TRAF3IP3: variants seen among roughly 807,000 people sequenced by gnomAD.
The protein encoded by TRAF3IP3 is TRAF3-interacting JNK-activating modulator.
A neutral mutation model predicts 86.5 loss-of-function variants in TRAF3IP3; 64 were observed. That is an observed-to-expected ratio of 0.74 (90% CI 0.60 to 0.91). TRAF3IP3 has a LOEUF of 0.91. Ranked by LOEUF, TRAF3IP3 falls within the 40% of genes least tolerant of loss-of-function variation. The probability of loss-of-function intolerance (pLI) is 0.00; values close to 1 mark genes in which losing one functional copy is unlikely to be tolerated. For missense variants in TRAF3IP3, 579 were observed against 642.9 expected (o/e 0.90, Z 1.07); for synonymous variants, 220 against 243.9 (o/e 0.90, Z 0.91).
chr1:209,782,063 G>C lies in TRAF3IP3; in HGVS notation c.1571G>C (p.Cys524Ser). ...QSQQLPPRRQCGRWLPVLMVV... is the reference protein window; with the variant it reads ...QSQQLPPRRQSGRWLPVLMVV... Reference sequence around the variant, plus strand: ...CTCCCTGTCCCCCTACAGAGGCAATGTGGGCGATGGCTCCCAGTGCTGATG... The same window carrying C: ...CTCCCTGTCCCCCTACAGAGGCAATCTGGGCGATGGCTCCCAGTGCTGATG... Residue 524 changes from cysteine (C) to serine (S), a missense_variant, in exon 17 of 17, where the codon TGT (cysteine) becomes TCT (serine). Physicochemically the swap from Cys to Ser is moderately radical, Grantham distance 112. Transcript: ENST00000367025. The C allele has an allele frequency of 6.2e-7, 1 of 1,614,086 alleles. No individual in the cohort carries two copies. Among genetic ancestry groups the C allele is most frequent in the Non-Finnish European group, 8.5e-7 (1 of 1,179,940 alleles).
At chr1:209,757,995 G>A (rs567188043) in intron 1 of TRAF3IP3, among the ~76,000 whole-genome samples, 1 of 152,324 alleles carries the variant, frequency 6.6e-6, no homozygotes, top group South Asian at 2.1e-4. Flanking sequence ...TCCACGCAGT[G>A]TGACTCCAAG....
At chr1:209,767,864 C>T (rs1431758475) in intron 8 of TRAF3IP3, among the ~76,000 whole-genome samples, 1 of 152,084 alleles carries the variant, frequency 6.6e-6, no homozygotes, top group African/African-American at 2.4e-5. Flanking sequence ...CTGGGTTTGT[C>T]TCCAAGGAGG....
In TRAF3IP3 at chr1:209,772,969, C is replaced by A. The variant is rs781006753; in HGVS notation, c.724C>A (p.Leu242Met). The change falls in exon 9 of 17, where the codon CTG becomes ATG. Residue 242 changes from leucine to methionine, a missense_variant. Transcript: ENST00000367025. Reference protein sequence around the residue: ...SWKGQLNEDKLKGKLRSLENQ... With the variant: ...SWKGQLNEDKMKGKLRSLENQ... ...CCAGGGACAGCTTAATGAAGACAAA[C>A]TGAAGGGGAAACTGAGATCCTTAGA... is the stretch of plus-strand genomic sequence containing the variant. 6.2e-7 allele frequency: 1 copy of A among 1,613,890 alleles called. No homozygotes were observed. Among genetic ancestry groups the A allele is most frequent in the Non-Finnish European group, 8.5e-7 (1 of 1,179,894 alleles).
intron 8 of TRAF3IP3, among the ~76,000 whole-genome samples, chr1:209,772,673 G>C (rs1406811781): frequency 2.0e-5 from 3 of 150,774 alleles, no homozygotes; most frequent in South Asian, 2.1e-4. Context: ...TCCTTCCGGG[G>C]CCCCCCTGCT....
intron 1 of TRAF3IP3, among the ~76,000 whole-genome samples, chr1:209,757,986 C>T (rs2077182679): frequency 6.6e-6 from 1 of 152,114 alleles, no homozygotes; most frequent in Non-Finnish European, 1.5e-5. Flanking sequence ...GGACATGAGT[C>T]CACGCAGTGT....
chr1:209,770,468 GGTGT>G (rs34097069), intron 8 of TRAF3IP3, among the ~76,000 whole-genome samples: 1 of 142,852 alleles, frequency 7.0e-6, no homozygotes, highest in Non-Finnish European at 1.5e-5. Context: ...TGCATGTGGA[GGTGT>G]GTGTGTGCAT....
rs76991497 is a variant in TRAF3IP3 at position 209,760,034 on chromosome 1, G to T, written c.-6G>T. 8,081 of 1,602,018 alleles carry T rather than the reference G, an allele frequency of 5.0e-3. 32 individuals are homozygous for T. The highest frequency in any genetic ancestry group is 5.9e-3 in the Middle Eastern group (35 of 5,926). ...AGCCAAGCGCAACAGGTGCTTGGAG[G>T]TCATCATGATCAGCCCAGACCCCAG... is the stretch of plus-strand genomic sequence containing the variant. On this transcript the variant is annotated 5_prime_UTR_variant, in exon 3 of 17. Transcript: ENST00000367025.
chr1:209,779,461 G>T, intron 14 of TRAF3IP3, 87 bp downstream of exon 14: 1 of 1,149,550 alleles, frequency 8.7e-7, no homozygotes, highest in Non-Finnish European at 1.3e-6. Context: ...TGACCTCCTG[G>T]AGTCCCAGCC....
intron 1 of TRAF3IP3, among the ~76,000 whole-genome samples, chr1:209,758,162 CTTTCT>C (rs1371022397): frequency 6.6e-6 from 1 of 152,210 alleles, no homozygotes; most frequent in African/African-American, 2.4e-5. Flanking sequence ...CTCTCAGACC[CTTTCT>C]TTTAAGTCTT....
chr1:209,779,152 G>A (rs2077722567), intron 13 of TRAF3IP3, 163 bp from the exon 14 acceptor site: 2 of 612,918 alleles, frequency 3.3e-6, no homozygotes, highest in South Asian at 4.0e-5. Flanking sequence ...ATTATTTAAG[G>A]TACTGAGGGT....
At chr1:209,772,846 G>A (rs2077575317) in intron 8 of TRAF3IP3, 102 bp from the exon 9 acceptor site, 1 of 986,658 alleles carries the variant, frequency 1.0e-6, no homozygotes, top group South Asian at 1.4e-5. Flanking sequence ...TTCACTGTTT[G>A]AGCACCAACC....
At chr1:209,773,110 C>A in intron 9 of TRAF3IP3, 91 bp downstream of exon 9, 1 of 1,141,556 alleles carries the variant, frequency 8.8e-7, no homozygotes, top group Non-Finnish European at 1.2e-6. Flanking sequence ...CGAGAAACAC[C>A]ACCAGATAGA....
intron 5 of TRAF3IP3, 31 bp from the exon 6 acceptor site, chr1:209,763,037 T>A (rs201577088): frequency 5.0e-6 from 8 of 1,612,482 alleles, no homozygotes; most frequent in East Asian, 2.2e-5. Flanking sequence ...TTTGGTCCAT[T>A]ATCATTATTT....
At chr1:209,767,675 G>GAA (rs373718971) in intron 8 of TRAF3IP3, among the ~76,000 whole-genome samples, 5 of 138,280 alleles carry the variant, frequency 3.6e-5, no homozygotes, top group Non-Finnish European at 6.3e-5. Context: ...ACCCTGTCTT[G>GAA]AAAAAAAAAA....
intron 8 of TRAF3IP3, among the ~76,000 whole-genome samples, chr1:209,769,768 A>C (rs2077427471): frequency 6.6e-6 from 1 of 152,226 alleles, no homozygotes. Context: ...CATCTGGCTG[A>C]GAGAGCCCAT....
intron 13 of TRAF3IP3, 80 bp downstream of exon 13, chr1:209,778,253 C>T: frequency 8.6e-7 from 1 of 1,163,220 alleles, no homozygotes; most frequent in South Asian, 1.3e-5. Flanking sequence ...AGAGTAGGGA[C>T]TAAGGGCCCA....
chr1:209,760,319 G>C lies in TRAF3IP3; in HGVS notation c.280G>C (p.Gly94Arg), dbSNP rs1205527727. The C allele has an allele frequency of 6.2e-7, 1 of 1,613,920 alleles. No individual in the cohort carries two copies. The highest frequency in any genetic ancestry group is 1.1e-5 in the South Asian group (1 of 91,036). ...GGAGCAAGGGCCCTCCAGGCGGCCA[G>C]GACAGGTGACTGTCCTCAAGGAACC... is the stretch of plus-strand genomic sequence containing the variant. Reference protein sequence around the residue: ...AREQGPSRRPGQVTVLKEPLS... With the variant: ...AREQGPSRRPRQVTVLKEPLS... Residue 94 changes from glycine to arginine, a missense_variant, in exon 3 of 17, where the codon GGA (glycine) becomes CGA (arginine). Gly to Arg is a moderately radical substitution (Grantham distance 125, BLOSUM62 -2). Transcript: ENST00000367025.
At chr1:209,777,514 T>G in intron 12 of TRAF3IP3, 27 bp downstream of exon 12, 1 of 1,569,590 alleles carries the variant, frequency 6.4e-7, no homozygotes, top group Non-Finnish European at 8.7e-7. Flanking sequence ...AGGCCTTGAG[T>G]GCATGGCAGC....
Position 209,782,126 on chromosome 1 carries a change from A to G in TRAF3IP3, c.1634A>G (p.Asn545Ser), listed in dbSNP as rs764768391. 12 of 1,614,038 alleles carry G rather than the reference A, an allele frequency of 7.4e-6. No homozygotes were observed. Among genetic ancestry groups the G allele is most frequent in the Non-Finnish European group, 9.3e-6 (11 of 1,179,982 alleles). ...IAAALAVFLA[N>S]KDNLMI The stretch of plus-strand genomic sequence containing the variant: ...GCAGCACTGGCAGTGTTCCTGGCCA[A>G]TAAAGACAACCTGATGATCTGAATA... Residue 545 changes from asparagine to serine, a missense_variant, in exon 17 of 17, where the codon AAT (asparagine) becomes AGT (serine). By Grantham distance (46) the Asn-to-Ser change is conservative (BLOSUM62 1). Transcript: ENST00000367025.
Sources: allele counts gnomAD v4.1 joint callset (sites outside exome capture counted in the v4.1 genomes callset), GRCh38; gene constraint gnomAD v4.1.1; transcripts MANE v1.5; gene names NCBI Gene and HGNC (gene_info 2026-07-23, HGNC 2026-07-21).